The following PTPRD variants were observed in gnomAD, a reference collection of about 807,000 sequenced individuals.
PTPRD encodes protein tyrosine phosphatase receptor type D, also known as receptor-type tyrosine-protein phosphatase delta.
Under a neutral mutation model 214.5 loss-of-function variants are expected in PTPRD, and 34 were observed. The observed-to-expected ratio is 0.16, with a 90% CI of 0.12 to 0.21. PTPRD has a LOEUF of 0.21. Ranked by LOEUF, PTPRD falls within the 10% of genes least tolerant of loss-of-function variation. The pLI is 1.00. For synonymous variants in PTPRD, 1,128 were observed against 845.7 expected (o/e 1.33, Z -5.79); for missense variants, 2,545 against 2,398.7 (o/e 1.06, Z -1.27).
chr9:8,898,964 G>C (rs1352045360), intron 11 of PTPRD, among the ~76,000 whole-genome samples: 1 of 152,098 alleles, frequency 6.6e-6, no homozygotes, highest in Non-Finnish European at 1.5e-5. Flanking sequence ...GGCAATAATG[G>C]AACATAAGTG....
chr9:10,271,148 T>G (rs2094396297), intron 3 of PTPRD, among the ~76,000 whole-genome samples: 1 of 152,114 alleles, frequency 6.6e-6, no homozygotes, highest in Non-Finnish European at 1.5e-5. Context: ...TAATAGATAA[T>G]ACTAAGTGTA....
At chr9:9,873,408 C>CAAA (rs111229928) in intron 5 of PTPRD, among the ~76,000 whole-genome samples, 147 of 148,990 alleles carry the variant, frequency 9.9e-4, no homozygotes, top group African/African-American at 3.5e-3. Context: ...CATCCATTTA[C>CAAA]AAAAAAAAAT....
At chr9:8,775,159 T>C (rs954519703) in intron 11 of PTPRD, among the ~76,000 whole-genome samples, 2 of 152,186 alleles carry the variant, frequency 1.3e-5, no homozygotes, top group Non-Finnish European at 2.9e-5. Context: ...AAATACATCA[T>C]TAAAAAATGT....
chr9:10,217,249 G>A (rs1039530016), intron 3 of PTPRD, among the ~76,000 whole-genome samples: 4 of 151,648 alleles, frequency 2.6e-5, no homozygotes, highest in African/African-American at 7.3e-5. Flanking sequence ...TCTAGTATCA[G>A]CATTACATTT....
chr9:8,620,056 T>C (rs946221890), intron 14 of PTPRD, among the ~76,000 whole-genome samples: 24 of 151,962 alleles, frequency 1.6e-4, no homozygotes, highest in African/African-American at 5.8e-4. Flanking sequence ...AGCAGACCTC[T>C]CCTTTAGGGC....
chr9:10,302,510 C>T (rs952277237), intron 3 of PTPRD, among the ~76,000 whole-genome samples: 4 of 152,158 alleles, frequency 2.6e-5, no homozygotes, highest in African/African-American at 4.8e-5. Context: ...GTGCTGTATT[C>T]GGGAGACCCA....
chr9:8,597,035 T>C lies in PTPRD; in HGVS notation c.352+36282A>G, dbSNP rs140600557. 8.9e-3 allele frequency among the ~76,000 whole-genome samples: 1,361 copies of C among 152,248 alleles called. 11 individuals are homozygous for C. Among genetic ancestry groups the C allele is most frequent in the Non-Finnish European group, 0.015 (1,012 of 67,948 alleles). On this transcript the variant is annotated intron_variant, in intron 14 of 45. Transcript: ENST00000381196. ...CTATTAATTACACTAAAAAATATGG[T>C]AGATTTGCTCAAATAAATCAATTGT...
chr9:8,879,575 A>G (rs2098424620), intron 11 of PTPRD, among the ~76,000 whole-genome samples: 1 of 152,268 alleles, frequency 6.6e-6, no homozygotes, highest in African/African-American at 2.4e-5. Context: ...AGGTCCCTTT[A>G]TGATTAATGT....
At chr9:8,324,787 G>T (rs533295868) in intron 44 of PTPRD, among the ~76,000 whole-genome samples, 2 of 151,918 alleles carry the variant, frequency 1.3e-5, no homozygotes, top group Admixed American at 1.3e-4. Context: ...TTTAATGATC[G>T]ACATTCTAAT....
chr9:8,382,971 C>G (rs1174913060), intron 37 of PTPRD, among the ~76,000 whole-genome samples: 4 of 152,172 alleles, frequency 2.6e-5, no homozygotes, highest in African/African-American at 9.6e-5. Context: ...CTTACCGAAC[C>G]TTGACAAACC....
intron 6 of PTPRD, among the ~76,000 whole-genome samples, chr9:9,752,238 G>A (rs1285280475): frequency 6.6e-6 from 1 of 151,980 alleles, no homozygotes; most frequent in Non-Finnish European, 1.5e-5. Context: ...GCCCCTATTA[G>A]CACAAGTAAT....
intron 7 of PTPRD, among the ~76,000 whole-genome samples, chr9:9,650,667 A>T (rs920889139): frequency 1.3e-5 from 2 of 152,110 alleles, no homozygotes; most frequent in Non-Finnish European, 2.9e-5. Context: ...AGGAAAAATA[A>T]CTAACGAGTA....
intron 3 of PTPRD, among the ~76,000 whole-genome samples, chr9:10,191,941 T>C (rs2099365388): frequency 1.3e-5 from 2 of 152,186 alleles, no homozygotes; most frequent in African/African-American, 4.8e-5. Context: ...CTGAACGGTG[T>C]GTCTGCAAAG....
In PTPRD at chr9:9,885,984, TAAA is replaced by T. The variant is rs74310891; in HGVS notation, c.-368+52520_-368+52522del. Among the ~76,000 whole-genome samples the T allele has an allele frequency of 1.7e-3, 242 of 138,918 alleles. 4 individuals are homozygous for T. Among genetic ancestry groups the T allele is most frequent in the African/African-American group, 6.5e-3 (236 of 36,110 alleles). 91.1% of individuals were successfully genotyped at this position (138,918 alleles called of 152,430 possible). A position where few individuals can be genotyped will look rare whatever the true frequency, so the allele number is the denominator to read the frequency against. ...TGATACCTTACAAAACCCCACATATTAAAAAAAAAAAAGATTCAAAGTTAAAAT... is the reference window on the plus strand; with the variant it reads ...TGATACCTTACAAAACCCCACATATTAAAAAAAAAGATTCAAAGTTAAAAT... On this transcript the variant is annotated intron_variant, in intron 5 of 45. Transcript: ENST00000381196.
chr9:10,007,972 T>C (rs926822165), intron 4 of PTPRD, among the ~76,000 whole-genome samples: 2 of 152,040 alleles, frequency 1.3e-5, no homozygotes, highest in Non-Finnish European at 2.9e-5. Context: ...TGTTCTTAGT[T>C]CTAGTTAACA....
chr9:9,426,092 G>A (rs1274868276), intron 8 of PTPRD, among the ~76,000 whole-genome samples: 2 of 152,144 alleles, frequency 1.3e-5, no homozygotes, highest in African/African-American at 4.8e-5. Flanking sequence ...CTGACTGTGA[G>A]CTGAAGCAGG....
intron 7 of PTPRD, among the ~76,000 whole-genome samples, chr9:9,730,999 A>G (rs2098180433): frequency 6.6e-6 from 1 of 152,144 alleles, no homozygotes; most frequent in Non-Finnish European, 1.5e-5. Flanking sequence ...ATTGGAACAA[A>G]TTGCCAGAAC....
intron 2 of PTPRD, among the ~76,000 whole-genome samples, chr9:10,555,625 T>G (rs368283166): frequency 5.4e-4 from 83 of 152,318 alleles, no homozygotes; most frequent in African/African-American, 1.8e-3. Context: ...TTACCGGCCT[T>G]GAAAATGTAT....
intron 11 of PTPRD, among the ~76,000 whole-genome samples, chr9:8,815,733 G>T (rs1054643403): frequency 6.6e-6 from 1 of 151,996 alleles, no homozygotes; most frequent in Non-Finnish European, 1.5e-5. Flanking sequence ...TACCAACAGT[G>T]TTGATACAAT....
Sources: gnomAD v4.1 joint callset for allele counts (sites outside exome capture counted in the v4.1 genomes callset) on GRCh38, gnomAD v4.1.1 for gene constraint, MANE v1.5 for transcripts, NCBI Gene and HGNC (gene_info 2026-07-23, HGNC 2026-07-21) for gene names.